PRKCE: variants seen among roughly 807,000 people sequenced by gnomAD.
The protein encoded by PRKCE is protein kinase C epsilon type.
Under a neutral mutation model 85.4 loss-of-function variants are expected in PRKCE, and 16 were observed. That is an observed-to-expected ratio of 0.19 (90% CI 0.13 to 0.28). The LOEUF is 0.28. Ranked by LOEUF, PRKCE falls within the 10% of genes least tolerant of loss-of-function variation. The pLI is 1.00. For missense variants in PRKCE, 573 were observed against 975.2 expected (o/e 0.59, Z 5.49); for synonymous variants, 388 against 371.5 (o/e 1.04, Z -0.51).
rs187630799 is a variant in PRKCE, at chr2:45,823,146, C to T, written c.349-19854C>T. ...CTGTCAAGCCGTGTGCTCCAGGAAA[C>T]TTGTCAAGGAATGAAATGGACTCCA... On this transcript the variant is annotated intron_variant, in intron 1 of 14. Transcript: ENST00000306156. Among the ~76,000 whole-genome samples the T allele has an allele frequency of 3.6e-3, 551 of 152,336 alleles. 16 individuals are homozygous for T. The highest frequency in any genetic ancestry group is 0.033 in the Admixed American group (498 of 15,304).
intron 11 of PRKCE, among the ~76,000 whole-genome samples, chr2:46,123,078 A>G (rs1477822735): frequency 7.0e-6 from 1 of 142,712 alleles, no homozygotes; most frequent in Admixed American, 7.3e-5. Context: ...CCCAGGGGCC[A>G]TGGTTTCTGA....
At position 46,040,512 on chromosome 2, in the gene PRKCE, G is replaced by A. The variant is rs536107134; in HGVS notation, c.1437+29995G>A. On this transcript the variant is annotated intron_variant, in intron 10 of 14. Transcript: ENST00000306156. ...AGTTCAACTGAAATTGAATCTTCAT[G>A]GTGGGGCCTGGGGGAGCACTCTGGG... Among the ~76,000 whole-genome samples the A allele has an allele frequency of 5.9e-5, 9 of 152,218 alleles. No homozygotes were observed. The South Asian group carries it at 1.9e-3, about 32-fold the overall frequency.
intron 1 of PRKCE, among the ~76,000 whole-genome samples, chr2:45,714,544 A>G (rs1456059607): frequency 6.6e-6 from 1 of 152,250 alleles, no homozygotes; most frequent in Admixed American, 6.5e-5. Context: ...CAGCTTTATG[A>G]AAACTTATGA....
intron 2 of PRKCE, among the ~76,000 whole-genome samples, chr2:45,878,517 C>T (rs577616779): frequency 3.9e-4 from 60 of 152,284 alleles, no homozygotes; most frequent in Non-Finnish European, 8.1e-4. Flanking sequence ...AAAAATCTTC[C>T]AAACTTTAGG....
chr2:46,115,508 C>G (rs1395618980), intron 11 of PRKCE, among the ~76,000 whole-genome samples: 1 of 152,198 alleles, frequency 6.6e-6, no homozygotes, highest in Non-Finnish European at 1.5e-5. Context: ...CCAGAAGCCC[C>G]ATTTCTCTTC....
chr2:45,899,467 A>G (rs992279707), intron 2 of PRKCE, among the ~76,000 whole-genome samples: 1 of 151,724 alleles, frequency 6.6e-6, no homozygotes, highest in Admixed American at 6.6e-5. Flanking sequence ...TGCAGCCTCA[A>G]TCTCCCTAGG....
intron 1 of PRKCE, among the ~76,000 whole-genome samples, chr2:45,732,424 A>C (rs554003951): frequency 6.6e-6 from 1 of 152,334 alleles, no homozygotes; most frequent in East Asian, 1.9e-4. Context: ...CCAGGAGCTT[A>C]CTAAATAATG....
At chr2:45,881,152 CAA>C (rs770824515) in intron 2 of PRKCE, among the ~76,000 whole-genome samples, 18 of 91,406 alleles carry the variant, frequency 2.0e-4, no homozygotes, top group Admixed American at 4.6e-4. Context: ...GACTCCGTCT[CAA>C]AAAAAAAAAA....
chr2:46,031,209 G>A (rs1707490175), intron 10 of PRKCE, among the ~76,000 whole-genome samples: 1 of 152,186 alleles, frequency 6.6e-6, no homozygotes, highest in South Asian at 2.1e-4. Flanking sequence ...GAGACTTTGA[G>A]CACCACTCAT....
intron 1 of PRKCE, among the ~76,000 whole-genome samples, chr2:45,682,102 A>G (rs936828613): frequency 6.6e-6 from 1 of 152,206 alleles, no homozygotes; most frequent in Admixed American, 6.5e-5. Flanking sequence ...ACAATCATAA[A>G]TGAACTTATT....
At chr2:46,008,878 G>A (rs1257555773) in intron 9 of PRKCE, among the ~76,000 whole-genome samples, 1 of 152,162 alleles carries the variant, frequency 6.6e-6, no homozygotes, top group Admixed American at 6.5e-5. Flanking sequence ...GAGCATTTAG[G>A]TTATCTCTTA....
intron 1 of PRKCE, chr2:45,675,728 A>G (rs1676407101): frequency 1.3e-5 from 2 of 152,206 alleles, no homozygotes; most frequent in Admixed American, 1.3e-4. Flanking sequence ...GCCCAAGGTC[A>G]TGCCAGAAGA....
intron 1 of PRKCE, among the ~76,000 whole-genome samples, chr2:45,656,530 A>G (rs1451649150): frequency 6.6e-6 from 1 of 152,268 alleles, no homozygotes; most frequent in Non-Finnish European, 1.5e-5. Flanking sequence ...AAAATCTATT[A>G]TAACACTATT....
chr2:45,940,042 C>A (rs771871239), intron 2 of PRKCE, among the ~76,000 whole-genome samples: 5 of 152,182 alleles, frequency 3.3e-5, no homozygotes, highest in Non-Finnish European at 7.3e-5. Context: ...GCTTAGTTGA[C>A]CTGATGTTTT....
rs1341277874 is a variant in PRKCE, at chr2:45,774,093, C to G, written c.349-68907C>G. Reference sequence around the variant, plus strand: ...TGCTGTTCATCTTGGGGGACCCACCCTTTGTTGGTAGGACCTCCCTTGGAG... The same window carrying G: ...TGCTGTTCATCTTGGGGGACCCACCGTTTGTTGGTAGGACCTCCCTTGGAG... On this transcript the variant is annotated intron_variant, in intron 1 of 14. Transcript: ENST00000306156. The surrounding 1 kb of genome is among the most constrained non-coding windows in gnomAD (Gnocchi z 4.3). 6.6e-6 allele frequency among the ~76,000 whole-genome samples: 1 copy of G among 152,204 alleles called. No homozygotes were observed. The highest frequency in any genetic ancestry group is 1.5e-5 in the Non-Finnish European group (1 of 68,034).
At chr2:45,892,236 TC>T (rs1695776540) in intron 2 of PRKCE, among the ~76,000 whole-genome samples, 1 of 152,150 alleles carries the variant, frequency 6.6e-6, no homozygotes, top group African/African-American at 2.4e-5. Flanking sequence ...TTTTTTGAGC[TC>T]CCATGGCCCA....
At chr2:46,101,788 C>T (rs955146298) in intron 11 of PRKCE, among the ~76,000 whole-genome samples, 8 of 142,766 alleles carry the variant, frequency 5.6e-5, no homozygotes, top group African/African-American at 2.1e-4. Context: ...CACTCGGTCT[C>T]ATAGCAACAC....
At chr2:45,733,731 C>G (rs1026315951) in intron 1 of PRKCE, among the ~76,000 whole-genome samples, 5 of 152,208 alleles carry the variant, frequency 3.3e-5, no homozygotes, top group African/African-American at 7.2e-5. Context: ...CTAAGAGTCT[C>G]TCTTCCCCCA....
At chr2:45,666,917 T>C (rs1315674107) in intron 1 of PRKCE, among the ~76,000 whole-genome samples, 1 of 152,186 alleles carries the variant, frequency 6.6e-6, no homozygotes, top group Non-Finnish European at 1.5e-5. Context: ...CATAACTCAC[T>C]GCAACCTTGA....
Sources: gnomAD v4.1 joint callset for allele counts (sites outside exome capture counted in the v4.1 genomes callset) on GRCh38, gnomAD v4.1.1 for gene constraint, Gnocchi (gnomAD v3.1) non-coding constraint, MANE v1.5 for transcripts, NCBI Gene and HGNC (gene_info 2026-07-23, HGNC 2026-07-21) for gene names.